Variants in DENND1A observed in about 807,000 individuals in gnomAD.
DENND1A encodes DENN domain containing 1A.
In DENND1A, 51 loss-of-function variants were observed where a neutral mutation model predicts 113.7. That is an observed-to-expected ratio of 0.45 (90% CI 0.36 to 0.57). The LOEUF (loss-of-function observed/expected upper bound fraction) is 0.57. DENND1A is among the 20% of genes least tolerant of loss of function. The pLI is 0.00. For synonymous variants in DENND1A, 565 were observed against 570.8 expected, an observed-to-expected ratio of 0.99 and a Z score of 0.14; for missense variants, 1,258 against 1,395.9, an observed-to-expected ratio of 0.90 and a Z score of 1.57.
At chr9:123,649,323 C>T (rs2062519140) in intron 9 of DENND1A, among the ~76,000 whole-genome samples, 1 of 152,178 alleles carries the variant, frequency 6.6e-6, no homozygotes, top group African/African-American at 2.4e-5. Context: ...TTTCTAGTAT[C>T]ATCAATCATT....
intron 2 of DENND1A, among the ~76,000 whole-genome samples, chr9:123,839,180 A>G (rs1841473122): frequency 6.6e-6 from 1 of 152,220 alleles, no homozygotes; most frequent in Non-Finnish European, 1.5e-5. Flanking sequence ...CATTACCAAG[A>G]TAAGTGGTGA....
At chr9:123,811,309 C>T (rs1590187310) in intron 2 of DENND1A, among the ~76,000 whole-genome samples, 4 of 152,292 alleles carry the variant, frequency 2.6e-5, no homozygotes, top group Admixed American at 2.6e-4. Context: ...GTGTGGGAAA[C>T]ATCTGGAGAC....
At chr9:123,429,529 T>C (rs905779683) in intron 19 of DENND1A, among the ~76,000 whole-genome samples, 6 of 152,252 alleles carry the variant, frequency 3.9e-5, no homozygotes, top group African/African-American at 1.4e-4. Context: ...CCCCCCAGCC[T>C]GGGTGACACA....
intron 12 of DENND1A, among the ~76,000 whole-genome samples, chr9:123,573,335 T>C (rs1375909163): frequency 1.3e-5 from 2 of 152,162 alleles, no homozygotes; most frequent in Non-Finnish European, 2.9e-5. Context: ...CATCTGGAAT[T>C]TGGGTTGGGA....
intron 2 of DENND1A, among the ~76,000 whole-genome samples, chr9:123,812,402 A>T (rs931640373): frequency 1.3e-5 from 2 of 151,732 alleles, no homozygotes; most frequent in African/African-American, 4.8e-5. Flanking sequence ...CCTGTTGATG[A>T]TCATTTAGGT....
intron 3 of DENND1A, among the ~76,000 whole-genome samples, chr9:123,771,622 G>T (rs1382833361): frequency 1.3e-5 from 2 of 152,116 alleles, no homozygotes; most frequent in Non-Finnish European, 2.9e-5. Flanking sequence ...GACCCCCTTG[G>T]CTACGAGAAG....
At chr9:123,694,528 A>G (rs2065384917) in intron 5 of DENND1A, among the ~76,000 whole-genome samples, 2 of 152,142 alleles carry the variant, frequency 1.3e-5, no homozygotes, top group Admixed American at 1.3e-4. Flanking sequence ...CCAAAAGTAG[A>G]TCTTTCTGTG....
chr9:123,530,146 C>T (rs980387844), intron 13 of DENND1A, among the ~76,000 whole-genome samples: 2 of 152,050 alleles, frequency 1.3e-5, no homozygotes, highest in South Asian at 2.1e-4. Context: ...AAAAAACTAG[C>T]CTTGGCAGAG....
At chr9:123,529,645 T>A (rs1418663826) in intron 13 of DENND1A, among the ~76,000 whole-genome samples, 1 of 152,204 alleles carries the variant, frequency 6.6e-6, no homozygotes, top group Non-Finnish European at 1.5e-5. Flanking sequence ...AGAAACAAGT[T>A]AGAATGAAAA....
At chr9:123,894,587 T>C (rs571941241) in intron 1 of DENND1A, among the ~76,000 whole-genome samples, 25 of 152,202 alleles carry the variant, frequency 1.6e-4, no homozygotes, top group Non-Finnish European at 3.5e-4. Flanking sequence ...GCGGATAGGA[T>C]GCAATGAGGC....
intron 11 of DENND1A, among the ~76,000 whole-genome samples, chr9:123,593,489 C>T (rs781304004): frequency 2.4e-4 from 37 of 152,080 alleles, no homozygotes; most frequent in Non-Finnish European, 4.0e-4. Context: ...AGACACTTTG[C>T]TCTGAGAGGG....
chr9:123,728,014 G>A (rs779586336), intron 5 of DENND1A, among the ~76,000 whole-genome samples: 5 of 151,910 alleles, frequency 3.3e-5, no homozygotes, highest in Non-Finnish European at 7.4e-5. Flanking sequence ...GCTGAGGCAG[G>A]AGAATGGCAT....
intron 11 of DENND1A, among the ~76,000 whole-genome samples, chr9:123,608,502 T>C (rs2060270334): frequency 1.3e-5 from 2 of 152,036 alleles, no homozygotes; most frequent in East Asian, 1.9e-4. Context: ...CTAGTACAAA[T>C]TAAAACTCTC....
intron 12 of DENND1A, among the ~76,000 whole-genome samples, chr9:123,575,979 G>C (rs1053336417): frequency 1.3e-5 from 2 of 152,114 alleles, no homozygotes; most frequent in African/African-American, 4.8e-5. Context: ...CAACATAGTT[G>C]AATAAATCTA....
At position 123,427,721 on chromosome 9, in the gene DENND1A, C is replaced by T. The variant is rs533281741; in HGVS notation, c.1488+12639G>A. ...TTCTCTCCCTTCTTTTGATAATGGC[C>T]CCAATTTCCCTTTCAGGAATGACCC... is the stretch of plus-strand genomic sequence containing the variant. On this transcript the variant is annotated intron_variant, in intron 19 of 23. Transcript: ENST00000394215. Among the ~76,000 whole-genome samples, 5 of 152,266 alleles carry T rather than the reference C, an allele frequency of 3.3e-5. No homozygotes were observed. In the East Asian group the frequency reaches 7.7e-4, roughly 23 times the overall value.
At chr9:123,523,814 A>ACC (rs1235217723) in intron 13 of DENND1A, among the ~76,000 whole-genome samples, 1 of 152,172 alleles carries the variant, frequency 6.6e-6, no homozygotes, top group East Asian at 1.9e-4. Flanking sequence ...TGCAGAAAGC[A>ACC]CCTCGGTCTG....
At chr9:123,696,410 A>G (rs1241988608) in intron 5 of DENND1A, among the ~76,000 whole-genome samples, 2 of 152,202 alleles carry the variant, frequency 1.3e-5, no homozygotes, top group Non-Finnish European at 2.9e-5. Flanking sequence ...AACAAAACAC[A>G]TTATCGGAAG....
At chr9:123,679,117 A>T (rs2064277966) in intron 5 of DENND1A, among the ~76,000 whole-genome samples, 1 of 152,210 alleles carries the variant, frequency 6.6e-6, no homozygotes, top group South Asian at 2.1e-4. Context: ...AAGAAGGGGA[A>T]GTAGAATCTT....
In DENND1A at chr9:123,382,193, C is replaced by G. The variant is rs769972192; in HGVS notation, c.2452G>C (p.Val818Leu). The G allele has an allele frequency of 4.3e-6, 7 of 1,609,534 alleles. No individual in the cohort carries two copies. The highest frequency in any genetic ancestry group is 5.9e-6 in the Non-Finnish European group (7 of 1,179,478). ...ALSPGLLPGV[V>L]PQGPTELLQP... The stretch of plus-strand genomic sequence containing the variant: ...AGCAGTTCAGTGGGGCCTTGGGGGA[C>G]AACACCAGGCAGGAGCCCTGGACTC... Residue 818 changes from valine (V) to leucine (L), a missense_variant, in exon 24 of 24, where the codon GTC becomes CTC. Around this residue, in one of 2 missense-constraint regions of DENND1A, gnomAD observed 1,159 missense variants for 1,231.7 expected, o/e 0.94. Transcript: ENST00000394215.
Sources: gnomAD v4.1 joint callset for allele counts (sites outside exome capture counted in the v4.1 genomes callset) on GRCh38, gnomAD v4.1.1 for gene constraint, gnomAD v4.1.1 regional missense constraint, MANE v1.5 for transcripts, NCBI Gene and HGNC (gene_info 2026-07-23, HGNC 2026-07-21) for gene names.